The following KHDC4 variants were observed in gnomAD, a reference collection of about 807,000 sequenced individuals.
KHDC4 encodes KH homology domain-containing protein 4.
Under a neutral mutation model 74.5 loss-of-function variants are expected in KHDC4, and 19 were observed. The observed-to-expected ratio is 0.26, with a 90% CI of 0.18 to 0.37. KHDC4 has a LOEUF of 0.37. Ranked by LOEUF, KHDC4 falls within the 10% of genes least tolerant of loss-of-function variation. The pLI, the probability that KHDC4 is intolerant of heterozygous loss-of-function variation, is 1.00. For synonymous variants in KHDC4, 253 were observed against 266.1 expected (o/e 0.95, Z 0.48); for missense variants, 632 against 754.1 (o/e 0.84, Z 1.90).
At chr1:155,928,271 G>A (rs192748559) in intron 4 of KHDC4, among the ~76,000 whole-genome samples, 2 of 152,192 alleles carry the variant, frequency 1.3e-5, no homozygotes, top group Non-Finnish European at 2.9e-5. Context: ...CTACTCGGGA[G>A]GGTGAGGCCA....
intron 4 of KHDC4, among the ~76,000 whole-genome samples, chr1:155,928,308 A>G (rs1005100364): frequency 1.3e-5 from 2 of 152,056 alleles, no homozygotes; most frequent in African/African-American, 4.8e-5. Flanking sequence ...CAGGAGGCAG[A>G]GGTTGCAGTG....
chr1:155,927,042 A>G (rs1186646630), intron 5 of KHDC4, 62 bp downstream of exon 5: 2 of 1,505,328 alleles, frequency 1.3e-6, no homozygotes, highest in African/African-American at 1.4e-5. Flanking sequence ...CCAACTTGCT[A>G]TACAGAGCCC....
Position 155,921,534 on chromosome 1 carries a change from A to T in KHDC4, c.1107T>A (p.Pro369=), listed in dbSNP as rs1346863264. ...GYQSGYPVVP[P]PQQPVQPPYG... is the part of the protein sequence containing the mutation. ...AGGGAGGTTGAACTGGCTGCTGAGG[A>T]GGGGGAACAACAGGGTAACCAGACT... The change falls in exon 10 of 14, where the codon CCT becomes CCA. Residue 369 remains proline, a synonymous_variant. Coordinates refer to ENST00000368321, the MANE Select transcript of KHDC4 (RefSeq NM_014949.4). 2 of 1,614,060 alleles carry T rather than the reference A, an allele frequency of 1.2e-6. No individual in the cohort carries two copies. The highest frequency in any genetic ancestry group is 1.7e-6 in the Non-Finnish European group (2 of 1,180,004).
At chr1:155,924,590 T>G (rs577627011) in intron 7 of KHDC4, among the ~76,000 whole-genome samples, 8 of 145,752 alleles carry the variant, frequency 5.5e-5, no homozygotes, top group Non-Finnish European at 1.2e-4. Context: ...TTTTTTTTTT[T>G]TGAGATGGAG....
In KHDC4 at chr1:155,934,369, G is replaced by T; in HGVS notation, c.5C>A (p.Ser2Tyr). Reference protein sequence around the residue: MSAGSATHPGAG... With the variant: MYAGSATHPGAG... ...TCCAGGATGTGTCGCGCTCCCCGCG[G>T]ACATGGCGACCGCTTCTACTCAACC... Residue 2 changes from serine (S) to tyrosine (Y), a missense_variant, in exon 1 of 14, where the codon TCC becomes TAC. Transcript: ENST00000368321. 1 of 1,611,706 alleles carries T rather than the reference G, an allele frequency of 6.2e-7. No individual in the cohort carries two copies. Among genetic ancestry groups the T allele is most frequent in the Non-Finnish European group, 8.5e-7 (1 of 1,179,918 alleles).
intron 10 of KHDC4, among the ~76,000 whole-genome samples, chr1:155,919,477 C>G (rs1385100993): frequency 1.3e-5 from 2 of 152,048 alleles, no homozygotes; most frequent in East Asian, 3.9e-4. Flanking sequence ...GAGTTTGTGA[C>G]CAGCCTGGCC....
intron 1 of KHDC4, 123 bp downstream of exon 1, chr1:155,934,213 C>T: frequency 9.3e-7 from 1 of 1,080,078 alleles, no homozygotes; most frequent in Admixed American, 2.4e-5. Flanking sequence ...TCCTTCTCCC[C>T]AAACGTCCAG....
chr1:155,924,461 G>A (rs1175901898), intron 7 of KHDC4, among the ~76,000 whole-genome samples: 1 of 151,874 alleles, frequency 6.6e-6, no homozygotes. Context: ...CATCCGCCTC[G>A]GCCCTGAAAG....
At chr1:155,926,256 G>A (rs910276421) in intron 6 of KHDC4, among the ~76,000 whole-genome samples, 1 of 151,638 alleles carries the variant, frequency 6.6e-6, no homozygotes, top group Non-Finnish European at 1.5e-5. Context: ...GAATACCTAT[G>A]GCAGGTAACT....
Position 155,921,470 on chromosome 1 carries a change from C to G in KHDC4, c.1171G>C (p.Ala391Pro). ...PSIVPPAVSL[A>P]PGVLPALPTG... ...GGTAATGCCGGCAAGACTCCAGGTG[C>G]TAATGAAACAGCTGGTGGCACTATG... is the stretch of plus-strand genomic sequence containing the variant. The change falls in exon 10 of 14, where the codon GCA becomes CCA. Residue 391 changes from alanine (A) to proline (P), a missense_variant. Physicochemically the swap from Ala to Pro is conservative, Grantham distance 27. This residue lies in a region of KHDC4 where 254 missense variants were observed against 267.4 expected (regional missense o/e 0.95). Coordinates refer to ENST00000368321, the MANE Select transcript of KHDC4 (RefSeq NM_014949.4). The G allele has an allele frequency of 2.5e-6, 4 of 1,614,078 alleles. No homozygotes were observed. Among genetic ancestry groups the G allele is most frequent in the Non-Finnish European group, 3.4e-6 (4 of 1,180,000 alleles).
intron 11 of KHDC4, 29 bp from the exon 12 acceptor site, chr1:155,916,766 G>T: frequency 6.9e-7 from 1 of 1,450,998 alleles, no homozygotes; most frequent in Non-Finnish European, 9.6e-7. Context: ...AGTGGCATTA[G>T]CAAATCTACA....
At chr1:155,920,033 T>A in intron 10 of KHDC4, 1 of 514,628 alleles carries the variant, frequency 1.9e-6, no homozygotes, top group South Asian at 1.4e-5. Context: ...CCACCATAAA[T>A]CCATTACCAT....
Position 155,933,839 on chromosome 1 carries a change from T to A in KHDC4, c.49A>T (p.Lys17Ter). Residue 17 changes from lysine to a stop codon, truncating the protein, a stop_gained, in exon 2 of 14, where the codon AAA (lysine) becomes TAA (stop). Transcript: ENST00000368321. LOFTEE classifies it high-confidence loss of function. Reference protein sequence around the residue: ...THPGAGGRRSKWDQPAPAPLL... With the variant: ...THPGAGGRRS ...GGGGCTGGAGCTGGTTGGTCCCATT[T>A]GCTGCGGCGCCTACATGGAGAAAAA... 1 of 1,553,328 alleles carries A rather than the reference T, an allele frequency of 6.4e-7. No individual in the cohort carries two copies. Among genetic ancestry groups the A allele is most frequent in the Non-Finnish European group, 8.7e-7 (1 of 1,147,422 alleles).
chr1:155,925,531 TATTA>T (rs1199748018), intron 7 of KHDC4, 97 bp downstream of exon 7: 2 of 846,256 alleles, frequency 2.4e-6, no homozygotes, highest in Non-Finnish European at 3.9e-6. Flanking sequence ...CCCTCATTAC[TATTA>T]ATTACACCCA....
intron 13 of KHDC4, 157 bp from the exon 14 acceptor site, chr1:155,914,477 A>G: frequency 1.6e-6 from 1 of 613,548 alleles, no homozygotes; most frequent in Admixed American, 3.0e-5. Context: ...AACGTTGAAG[A>G]TCACACGAAA....
At chr1:155,926,488 C>G (rs1456884534) in intron 6 of KHDC4, 188 bp downstream of exon 6, 1 of 601,130 alleles carries the variant, frequency 1.7e-6, no homozygotes, top group African/African-American at 1.9e-5. Context: ...TGCCACCATG[C>G]CCGGGTAATG....
intron 9 of KHDC4, 106 bp downstream of exon 9, chr1:155,921,755 T>A: frequency 7.1e-7 from 1 of 1,415,540 alleles, no homozygotes; most frequent in Non-Finnish European, 9.8e-7. Context: ...TACCCTAAAT[T>A]AAAGGGAACA....
In KHDC4 at chr1:155,926,693, G is replaced by T; in HGVS notation, c.664C>A (p.Pro222Thr). 6.2e-7 allele frequency: 1 copy of T among 1,614,132 alleles called. No individual in the cohort carries two copies. The change falls in exon 6 of 14, where the codon CCT (proline) becomes ACT (threonine). Residue 222 changes from proline (P) to threonine (T), a missense_variant. By Grantham distance (38) the Pro-to-Thr change is conservative. Transcript: ENST00000368321. ...AAACATACCCCTGACTGGAAGGGAG[G>T]CTTCTGGCTAACAGCTGGAGACAAC... ...AQLSPAVSQK[P>T]PFQSGMHYVQ... is the part of the protein sequence containing the mutation.
intron 10 of KHDC4, among the ~76,000 whole-genome samples, chr1:155,920,293 C>T (rs974271669): frequency 6.6e-6 from 1 of 151,836 alleles, no homozygotes; most frequent in South Asian, 2.1e-4. Context: ...AAAAAATTAG[C>T]CAGGCGTGGT....
Sources: gnomAD v4.1 joint callset for allele counts (sites outside exome capture counted in the v4.1 genomes callset) on GRCh38, gnomAD v4.1.1 for gene constraint, gnomAD v4.1.1 regional missense constraint, MANE v1.5 for transcripts, NCBI Gene and HGNC (gene_info 2026-07-23, HGNC 2026-07-21) for gene names.